Variants in CDH13 observed in about 807,000 individuals in gnomAD.
The protein encoded by CDH13 is cadherin 13, also known as cadherin-13.
CDH13 carries 24 observed loss-of-function variants against 63.8 expected under a neutral mutation model. The observed-to-expected ratio is 0.38, with a 90% CI of 0.27 to 0.53. The LOEUF is 0.53. Ranked by LOEUF, CDH13 falls within the 20% of genes least tolerant of loss-of-function variation. CDH13 has a pLI of 0.85. For missense variants in CDH13, 1,049 were observed against 903.1 expected, an observed-to-expected ratio of 1.16 and a Z score of -2.07; for synonymous variants, 503 against 355.3, an observed-to-expected ratio of 1.42 and a Z score of -4.67.
chr16:83,766,494 T>C (rs1914396494), intron 11 of CDH13, among the ~76,000 whole-genome samples: 1 of 152,214 alleles, frequency 6.6e-6, no homozygotes, highest in African/African-American at 2.4e-5. Context: ...CTACATTTCA[T>C]TGTTCACACA....
intron 4 of CDH13, among the ~76,000 whole-genome samples, chr16:83,162,422 G>A (rs1421259789): frequency 1.3e-5 from 2 of 152,154 alleles, no homozygotes; most frequent in Non-Finnish European, 2.9e-5. Flanking sequence ...TATTTACACT[G>A]AAGTTCAGAG....
chr16:82,828,048 C>T (rs1212907798), intron 1 of CDH13, among the ~76,000 whole-genome samples: 2 of 152,080 alleles, frequency 1.3e-5, no homozygotes, highest in Admixed American at 6.5e-5. Context: ...GTTGGTCATC[C>T]TATTATGAGA....
chr16:83,239,592 G>T (rs146842908), intron 5 of CDH13, among the ~76,000 whole-genome samples: 1 of 152,290 alleles, frequency 6.6e-6, no homozygotes, highest in African/African-American at 2.4e-5. Context: ...AATAGGCATA[G>T]CATCATTCCA....
chr16:82,858,273 C>A (rs2039784456), intron 1 of CDH13, 89 bp from the exon 2 acceptor site: 2 of 760,624 alleles, frequency 2.6e-6, no homozygotes, highest in South Asian at 1.7e-5. Context: ...AAAACCTCAG[C>A]TTGTTTCTAA....
chr16:83,179,075 T>C (rs2038243101), intron 4 of CDH13, among the ~76,000 whole-genome samples: 2 of 152,214 alleles, frequency 1.3e-5, no homozygotes, highest in South Asian at 4.1e-4. Context: ...TTGGCAATTA[T>C]GGAATTCGAG....
intron 1 of CDH13, among the ~76,000 whole-genome samples, chr16:82,818,099 C>T (rs1454567327): frequency 6.9e-6 from 1 of 145,898 alleles, no homozygotes; most frequent in African/African-American, 2.7e-5. Context: ...AATGTATTCA[C>T]TCATACATGT....
At chr16:83,615,528 A>G (rs375799089) in intron 8 of CDH13, among the ~76,000 whole-genome samples, 3 of 152,118 alleles carry the variant, frequency 2.0e-5, no homozygotes, top group East Asian at 3.9e-4. Context: ...TTTTCCTGAT[A>G]CTGTAAAATC....
At chr16:83,006,864 G>C (rs1053151303) in intron 2 of CDH13, among the ~76,000 whole-genome samples, 9 of 151,830 alleles carry the variant, frequency 5.9e-5, no homozygotes, top group African/African-American at 2.2e-4. Flanking sequence ...CTAAAATTTT[G>C]CACATTTCAT....
chr16:83,361,150 C>G (rs2091154062), intron 6 of CDH13, among the ~76,000 whole-genome samples: 1 of 152,146 alleles, frequency 6.6e-6, no homozygotes, highest in African/African-American at 2.4e-5. Context: ...GACATGGTGT[C>G]TCATTGTGGT....
intron 2 of CDH13, among the ~76,000 whole-genome samples, chr16:82,879,853 A>C (rs955403215): frequency 9.6e-4 from 136 of 142,296 alleles, no homozygotes; most frequent in African/African-American, 3.4e-3. Flanking sequence ...ATATTTGTGA[A>C]TATATAATAG....
chr16:83,056,236 G>C lies in CDH13; in HGVS notation c.366+24018G>C, dbSNP rs532062035. 6.6e-5 allele frequency among the ~76,000 whole-genome samples: 10 copies of C among 152,272 alleles called. No individual in the cohort carries two copies. The South Asian group carries it at 2.1e-3, about 32-fold the overall frequency. ...ATAATAACAATAGCAAGGACGTGTG[G>C]CAATCAGAATTCTCACACACTGTAA... On this transcript the variant is annotated intron_variant, in intron 3 of 13. Coordinates refer to ENST00000567109, the MANE Select transcript of CDH13 (RefSeq NM_001257.5).
At chr16:82,736,473 G>C (rs1011447412) in intron 1 of CDH13, among the ~76,000 whole-genome samples, 4 of 152,116 alleles carry the variant, frequency 2.6e-5, no homozygotes, top group Non-Finnish European at 2.9e-5. Flanking sequence ...TGCAATTCTT[G>C]CTGTGGTGAG....
chr16:83,755,108 T>C (rs970377678), intron 11 of CDH13, among the ~76,000 whole-genome samples: 8 of 152,094 alleles, frequency 5.3e-5, no homozygotes, highest in Non-Finnish European at 1.2e-4. Context: ...GAATAAAAGA[T>C]AGATTCAAGC....
At chr16:82,935,191 A>G (rs1402856287) in intron 2 of CDH13, among the ~76,000 whole-genome samples, 5 of 152,226 alleles carry the variant, frequency 3.3e-5, no homozygotes, top group African/African-American at 1.2e-4. Flanking sequence ...AAATACGTTC[A>G]TCTTCACATG....
intron 4 of CDH13, among the ~76,000 whole-genome samples, chr16:83,132,142 C>G (rs1567861070): frequency 6.6e-6 from 1 of 152,092 alleles, no homozygotes; most frequent in South Asian, 2.1e-4. Context: ...CCATTTGCCT[C>G]ACTTTGAAGA....
At chr16:82,737,890 G>T (rs2033752669) in intron 1 of CDH13, among the ~76,000 whole-genome samples, 1 of 152,344 alleles carries the variant, frequency 6.6e-6, no homozygotes, top group East Asian at 1.9e-4. Flanking sequence ...GAAACCATCA[G>T]CTTCATAATC....
intron 5 of CDH13, among the ~76,000 whole-genome samples, chr16:83,297,559 T>A (rs1407867961): frequency 1.3e-5 from 2 of 152,162 alleles, no homozygotes; most frequent in Non-Finnish European, 2.9e-5. Flanking sequence ...ACTTTTTGAA[T>A]GCCTCTTTCA....
At chr16:82,996,888 ATGC>A (rs1343915370) in intron 2 of CDH13, among the ~76,000 whole-genome samples, 1 of 150,894 alleles carries the variant, frequency 6.6e-6, no homozygotes, top group East Asian at 2.0e-4. Context: ...AGTGATGGTG[ATGC>A]TGATGGCGGT....
rs1052434971 is a variant in CDH13, at chr16:83,800,428, A to C, written c.*5398A>C. 2.0e-5 allele frequency: 3 copies of C among 152,212 alleles called. No homozygotes were observed. Among genetic ancestry groups the C allele is most frequent in the African/African-American group, 4.8e-5 (2 of 41,452 alleles). The allele number at this position is 152,212 out of a possible 1,614,324, so 9.4% of individuals were successfully genotyped here. ...CAGATAAAAATTTTAAGAAATTTTA[A>C]ATGCTTTTTATTCACACACACTTTT... On this transcript the variant is annotated 3_prime_UTR_variant, in exon 14 of 14. Coordinates refer to ENST00000567109, the MANE Select transcript of CDH13 (RefSeq NM_001257.5).
Sources: gnomAD v4.1 joint callset for allele counts (sites outside exome capture counted in the v4.1 genomes callset) on GRCh38, gnomAD v4.1.1 for gene constraint, MANE v1.5 for transcripts, NCBI Gene and HGNC (gene_info 2026-07-23, HGNC 2026-07-21) for gene names.